MTMR3: variants seen among roughly 807,000 people sequenced by gnomAD.
MTMR3 encodes myotubularin related protein 3.
A neutral mutation model predicts 132.4 loss-of-function variants in MTMR3; 32 were observed. That is an observed-to-expected ratio of 0.24 (90% CI 0.18 to 0.32). The LOEUF (loss-of-function observed/expected upper bound fraction) is 0.32, where lower values mean the gene tolerates loss of function less well. Ranked by LOEUF, MTMR3 falls within the 10% of genes least tolerant of loss-of-function variation. The pLI is 1.00. For missense variants in MTMR3, 1,216 were observed against 1,489.6 expected (o/e 0.82, Z 3.02); for synonymous variants, 556 against 550.3 (o/e 1.01, Z -0.14).
chr22:30,026,037 T>G lies in MTMR3; in HGVS notation c.*236T>G. On this transcript the variant is annotated 3_prime_UTR_variant, in exon 20 of 20. Coordinates refer to ENST00000401950, the MANE Select transcript of MTMR3 (RefSeq NM_021090.4). ...GCCTTCAAAAAAGGAAACTTTCCCT[T>G]GGTTGTCTTAATTTTTTTTTTTTTT... The G allele has an allele frequency of 2.2e-6, 1 of 459,212 alleles. No homozygotes were observed. The highest frequency in any genetic ancestry group is 3.8e-6 in the Non-Finnish European group (1 of 261,094). The allele number at this position is 459,212 out of a possible 1,614,324, so 28.4% of individuals were successfully genotyped here.
intron 4 of MTMR3, 48 bp downstream of exon 4, chr22:29,978,579 T>TCTGCTATACA: frequency 6.9e-7 from 1 of 1,443,706 alleles, no homozygotes. Flanking sequence ...TAGCATTAAC[T>TCTGCTATACA]GTATAGCAGA....
At chr22:29,942,887 C>T (rs1314788778) in intron 1 of MTMR3, among the ~76,000 whole-genome samples, 2 of 152,164 alleles carry the variant, frequency 1.3e-5, no homozygotes, top group African/African-American at 4.8e-5. Flanking sequence ...ATGCAATCAT[C>T]ACAGGGTCCT....
At chr22:29,883,851 A>G (rs1324036401) in intron 1 of MTMR3, among the ~76,000 whole-genome samples, 4 of 152,038 alleles carry the variant, frequency 2.6e-5, no homozygotes, top group Non-Finnish European at 4.4e-5. Context: ...TGTGGAAAGG[A>G]GGAGTGACCG....
chr22:29,961,418 T>C (rs1040705750), intron 2 of MTMR3, among the ~76,000 whole-genome samples: 1 of 152,144 alleles, frequency 6.6e-6, no homozygotes, highest in East Asian at 1.9e-4. Context: ...TAGGAGGGAT[T>C]TGTTATATTA....
chr22:30,023,554 A>G, intron 19 of MTMR3: 1 of 1,567,846 alleles, frequency 6.4e-7, no homozygotes, highest in Non-Finnish European at 8.8e-7. Flanking sequence ...AACTCTTATC[A>G]TTTCCCCCTC....
intron 1 of MTMR3, among the ~76,000 whole-genome samples, chr22:29,894,669 GT>G (rs2064860394): frequency 6.6e-6 from 1 of 152,104 alleles, no homozygotes; most frequent in South Asian, 2.1e-4. Flanking sequence ...GCTTATTGGA[GT>G]TTTGGTGTTA....
chr22:29,956,307 C>T lies in MTMR3; in HGVS notation c.-137-729C>T, dbSNP rs530872335. On this transcript the variant is annotated intron_variant, in intron 1 of 19. Transcript: ENST00000401950. ...TATTGCCCAGGCTGGAGTGCAGTGG[C>T]GTGATCTCGGCTCACTGAAACCTCC... 3.1e-4 allele frequency among the ~76,000 whole-genome samples: 47 copies of T among 152,142 alleles called. 1 individual carries two copies. Among genetic ancestry groups the T allele is most frequent in the African/African-American group, 1.0e-3 (43 of 41,518 alleles).
chr22:30,019,750 C>T lies in MTMR3; in HGVS notation c.2091C>T (p.Thr697=). ...GQMENILQEA[T]KEESGVEEPA... Reference sequence around the variant, plus strand: ...TGGAGAACATCTTGCAGGAGGCCACCAAAGAGGAGAGTGGAGTAGAGGAAC... The same window carrying T: ...TGGAGAACATCTTGCAGGAGGCCACTAAAGAGGAGAGTGGAGTAGAGGAAC... The change falls in exon 17 of 20, where the codon ACC becomes ACT. Residue 697 remains threonine (T), a synonymous_variant. Transcript: ENST00000401950. 6.2e-7 allele frequency: 1 copy of T among 1,614,166 alleles called. No homozygotes were observed. The highest frequency in any genetic ancestry group is 1.1e-5 in the South Asian group (1 of 91,082).
chr22:29,900,631 T>G (rs2064986799), intron 1 of MTMR3, among the ~76,000 whole-genome samples: 1 of 152,210 alleles, frequency 6.6e-6, no homozygotes, highest in African/African-American at 2.4e-5. Flanking sequence ...TAGGTAAAAT[T>G]ATCCCAATTT....
chr22:29,910,382 G>A (rs1299774724), intron 1 of MTMR3, among the ~76,000 whole-genome samples: 1 of 152,134 alleles, frequency 6.6e-6, no homozygotes, highest in Non-Finnish European at 1.5e-5. Context: ...AGATTTGGGG[G>A]TTGCTGGTTT....
At chr22:29,959,026 C>T (rs2066255330) in intron 2 of MTMR3, among the ~76,000 whole-genome samples, 1 of 152,142 alleles carries the variant, frequency 6.6e-6, no homozygotes, top group African/African-American at 2.4e-5. Flanking sequence ...GTCCAAGTTG[C>T]TCCGTGTATT....
At chr22:29,960,068 C>T (rs775387845) in intron 2 of MTMR3, among the ~76,000 whole-genome samples, 10 of 151,890 alleles carry the variant, frequency 6.6e-5, no homozygotes, top group Non-Finnish European at 1.5e-4. Flanking sequence ...CCCCTGGCCA[C>T]GTTCTTATCT....
At position 30,030,647 on chromosome 22, in the gene MTMR3, G is replaced by GGGGA. The variant is rs749927557; in HGVS notation, c.*4847_*4848insGGAG. ...CTCAGCGAGGAGGGGGCGGGGGGGG[G>GGGGA]GTCACTATTTATCTTCCAGAGGCAG... On this transcript the variant is annotated 3_prime_UTR_variant, in exon 20 of 20. Transcript: ENST00000401950. 3 of 76,360 alleles carry GGGGA rather than the reference G, an allele frequency of 3.9e-5. No individual in the cohort carries two copies. Among genetic ancestry groups the GGGGA allele is most frequent in the Non-Finnish European group, 7.8e-5 (3 of 38,518 alleles). 4.7% of individuals were successfully genotyped at this position (76,360 alleles called of 1,614,324 possible).
chr22:29,920,972 AGGGGGTGGT>A (rs1230479436), intron 1 of MTMR3, among the ~76,000 whole-genome samples: 2 of 32,438 alleles, frequency 6.2e-5, no homozygotes, highest in Middle Eastern at 0.013. Context: ...GGTTTTTTTT[AGGGGGTGGT>A]GGGGGTGGCG....
At chr22:29,952,369 A>G (rs1406350559) in intron 1 of MTMR3, among the ~76,000 whole-genome samples, 1 of 151,812 alleles carries the variant, frequency 6.6e-6, no homozygotes, top group African/African-American at 2.4e-5. Context: ...TAATGTTTCC[A>G]AAGAGATAGA....
intron 1 of MTMR3, among the ~76,000 whole-genome samples, chr22:29,936,721 G>A (rs1446507776): frequency 1.3e-5 from 2 of 152,158 alleles, no homozygotes; most frequent in Admixed American, 6.5e-5. Context: ...GTAATCTGTA[G>A]TGGAACATTA....
At chr22:29,986,617 GCTC>G (rs2066862697) in intron 5 of MTMR3, 1 of 978,752 alleles carries the variant, frequency 1.0e-6, no homozygotes. Flanking sequence ...AAGGCCAAAA[GCTC>G]CTTTTGTTCT....
intron 2 of MTMR3, among the ~76,000 whole-genome samples, chr22:29,962,667 A>G (rs2066334743): frequency 6.6e-6 from 1 of 152,064 alleles, no homozygotes; most frequent in South Asian, 2.1e-4. Context: ...GCAGCAGAGC[A>G]AGACCCTGTC....
At chr22:29,960,855 TA>T (rs1395759922) in intron 2 of MTMR3, among the ~76,000 whole-genome samples, 1 of 152,208 alleles carries the variant, frequency 6.6e-6, no homozygotes, top group Non-Finnish European at 1.5e-5. Context: ...AACCTTTCAT[TA>T]AAACTTATTT....
Sources: gnomAD v4.1 joint callset for allele counts (sites outside exome capture counted in the v4.1 genomes callset) on GRCh38, gnomAD v4.1.1 for gene constraint, MANE v1.5 for transcripts, NCBI Gene and HGNC (gene_info 2026-07-23, HGNC 2026-07-21) for gene names.